The following MYO18B variants were observed in gnomAD, a reference collection of about 807,000 sequenced individuals.
MYO18B encodes unconventional myosin-XVIIIb.
Under a neutral mutation model 273.0 loss-of-function variants are expected in MYO18B, and 204 were observed. The ratio of observed to expected loss-of-function variants is 0.75; its 90% CI spans 0.67 to 0.84. The LOEUF (loss-of-function observed/expected upper bound fraction) is 0.84. Among genes scored for constraint, MYO18B ranks in the 40% least tolerant of loss-of-function variants. The probability of loss-of-function intolerance (pLI) is 0.00; values close to 1 mark genes in which losing one functional copy is unlikely to be tolerated. For missense variants in MYO18B, 3,212 were observed against 3,287.6 expected (o/e 0.98, Z 0.56); for synonymous variants, 1,330 against 1,305.7 (o/e 1.02, Z -0.40).
intron 42 of MYO18B, among the ~76,000 whole-genome samples, chr22:26,017,035 TC>T (rs1935394831): frequency 1.5e-4 from 4 of 27,574 alleles, no homozygotes. Flanking sequence ...TTTCCTTCCT[TC>T]CTTCCTTCCT....
chr22:25,888,808 C>T (rs16980981), intron 25 of MYO18B, among the ~76,000 whole-genome samples: 10,008 of 152,176 alleles, frequency 0.066, 731 homozygotes, highest in African/African-American at 0.18. Flanking sequence ...TTCTCCTCTG[C>T]GTCTATTGAA....
At chr22:25,988,486 A>G (rs987316308) in intron 39 of MYO18B, among the ~76,000 whole-genome samples, 13 of 152,110 alleles carry the variant, frequency 8.5e-5, no homozygotes, top group African/African-American at 3.1e-4. Flanking sequence ...CTTGGTCCAC[A>G]TACTCTGGCC....
At position 25,961,030 on chromosome 22, in the gene MYO18B, A is replaced by G. The variant is rs188261283; in HGVS notation, c.6156+5666A>G. On this transcript the variant is annotated intron_variant, in intron 39 of 43. Transcript: ENST00000335473. ...AAAGAAAGAAAGAGGAAAGAAGGGA[A>G]AGGAAGGAATTAAGGAAGGAAGGAA... 3.3e-5 allele frequency among the ~76,000 whole-genome samples: 5 copies of G among 152,142 alleles called. No homozygotes were observed. In the East Asian group the frequency reaches 9.7e-4, roughly 29 times the overall value.
At chr22:25,930,573 C>T (rs2092484548) in intron 34 of MYO18B, among the ~76,000 whole-genome samples, 1 of 151,060 alleles carries the variant, frequency 6.6e-6, no homozygotes, top group Non-Finnish European at 1.5e-5. Context: ...TGCAGTGGTG[C>T]AATCGCGGTT....
At chr22:25,753,735 C>G (rs2086019725) in intron 1 of MYO18B, among the ~76,000 whole-genome samples, 1 of 152,126 alleles carries the variant, frequency 6.6e-6, no homozygotes, top group African/African-American at 2.4e-5. Flanking sequence ...ACATTCACCG[C>G]GAAGGCCTGC....
At chr22:25,793,764 T>C (rs1402173455) in intron 11 of MYO18B, among the ~76,000 whole-genome samples, 1 of 152,336 alleles carries the variant, frequency 6.6e-6, no homozygotes, top group East Asian at 1.9e-4. Flanking sequence ...CCAAATTACC[T>C]GAAGACTTTG....
intron 25 of MYO18B, among the ~76,000 whole-genome samples, chr22:25,885,471 C>G (rs1005241244): frequency 2.0e-5 from 3 of 152,030 alleles, no homozygotes; most frequent in Non-Finnish European, 4.4e-5. Flanking sequence ...GGGGACATTC[C>G]AGGTACAGGG....
chr22:26,060,243 C>A, the MYO18B span, among the ~76,000 whole-genome samples: 1 of 152,212 alleles, frequency 6.6e-6, no homozygotes, highest in African/African-American at 2.4e-5. Context: ...CTTTGAACTA[C>A]AACAGAAGAT....
At chr22:25,822,511 T>C (rs76951451) in intron 12 of MYO18B, among the ~76,000 whole-genome samples, 7,865 of 152,330 alleles carry the variant, frequency 0.052, 292 homozygotes, top group East Asian at 0.12. Context: ...GCACCTTGTC[T>C]GTCTTGCTCA....
chr22:26,013,508 T>C (rs1034891775), intron 42 of MYO18B, among the ~76,000 whole-genome samples: 4 of 152,246 alleles, frequency 2.6e-5, no homozygotes, highest in Non-Finnish European at 5.9e-5. Flanking sequence ...AACAATCTTG[T>C]ACACATCTTT....
At chr22:26,049,032 C>A in the MYO18B span, among the ~76,000 whole-genome samples, 1 of 152,094 alleles carries the variant, frequency 6.6e-6, no homozygotes, top group African/African-American at 2.4e-5. Context: ...ACCTACATAA[C>A]AAACCTGCGC....
At chr22:25,896,069 G>A (rs1214191618) in intron 28 of MYO18B, among the ~76,000 whole-genome samples, 1 of 152,048 alleles carries the variant, frequency 6.6e-6, no homozygotes, top group Non-Finnish European at 1.5e-5. Flanking sequence ...TCGTGGGTGT[G>A]TTCTGCTAGA....
At chr22:26,041,089 C>T in the MYO18B span, among the ~76,000 whole-genome samples, 4 of 152,308 alleles carry the variant, frequency 2.6e-5, no homozygotes, top group South Asian at 6.2e-4. Context: ...CCCAGGACAG[C>T]TCTGAATGTG....
At position 25,770,896 on chromosome 22, in the gene MYO18B, G is replaced by A; in HGVS notation, c.1604G>A (p.Gly535Glu). Residue 535 changes from glycine (G) to glutamate (E), a missense_variant, in exon 6 of 44, where the codon GGA becomes GAA. Transcript: ENST00000335473. ...GCTACGGTGCTAAAGCCAGATGAGG[G>A]AACAGCAGACCTGCCAGCAGGAAGG... is the stretch of plus-strand genomic sequence containing the variant. ...TLATVLKPDEGTADLPAGRVR... is the reference protein window; with the variant it reads ...TLATVLKPDEETADLPAGRVR... 1.3e-6 allele frequency: 2 copies of A among 1,552,008 alleles called. No individual in the cohort carries two copies. The highest frequency in any genetic ancestry group is 1.7e-6 in the Non-Finnish European group (2 of 1,147,110).
At chr22:26,009,981 A>G (rs1488070104) in intron 42 of MYO18B, among the ~76,000 whole-genome samples, 2 of 152,180 alleles carry the variant, frequency 1.3e-5, no homozygotes, top group Non-Finnish European at 2.9e-5. Flanking sequence ...TTAACTCAGC[A>G]TGTCCAAGAG....
At chr22:25,898,922 C>G (rs1274726274) in intron 29 of MYO18B, 1 of 162,910 alleles carries the variant, frequency 6.1e-6, no homozygotes, top group African/African-American at 2.4e-5. Context: ...AAGATCGCCC[C>G]CTTGTGCTGA....
At chr22:25,791,157 C>G (rs1892592990) in intron 11 of MYO18B, among the ~76,000 whole-genome samples, 1 of 14,160 alleles carries the variant, frequency 7.1e-5, no homozygotes, top group South Asian at 1.1e-3. Flanking sequence ...TCATTCCAAG[C>G]TGGAGAGATA....
At chr22:25,925,688 T>G (rs1444974443) in intron 34 of MYO18B, among the ~76,000 whole-genome samples, 2 of 144,142 alleles carry the variant, frequency 1.4e-5, no homozygotes, top group Non-Finnish European at 3.0e-5. Context: ...GTGGATCACC[T>G]GGGGTCAGGA....
chr22:25,916,915 C>A (rs921379815), intron 33 of MYO18B, among the ~76,000 whole-genome samples: 1 of 152,022 alleles, frequency 6.6e-6, no homozygotes, highest in Non-Finnish European at 1.5e-5. Flanking sequence ...ACCTGTAATC[C>A]CAGCTGCTCA....
Sources: gnomAD v4.1 joint callset for allele counts (sites outside exome capture counted in the v4.1 genomes callset) on GRCh38, gnomAD v4.1.1 for gene constraint, MANE v1.5 for transcripts, NCBI Gene and HGNC (gene_info 2026-07-23, HGNC 2026-07-21) for gene names.